The following DPP6 variants were observed in gnomAD, a reference collection of about 807,000 sequenced individuals.
DPP6 encodes the protein A-type potassium channel modulatory protein DPP6.
A neutral mutation model predicts 122.6 loss-of-function variants in DPP6; 69 were observed. That is an observed-to-expected ratio of 0.56 (90% CI 0.46 to 0.69). The LOEUF (loss-of-function observed/expected upper bound fraction) is 0.69, where lower values mean the gene tolerates loss of function less well. DPP6 is among the 30% of genes least tolerant of loss of function. The pLI, the probability that DPP6 is intolerant of heterozygous loss-of-function variation, is 0.00. For synonymous variants in DPP6, 418 were observed against 433.1 expected, an observed-to-expected ratio of 0.97 and a Z score of 0.43; for missense variants, 928 against 1,116.9, an observed-to-expected ratio of 0.83 and a Z score of 2.41.
chr7:153,765,418 T>G, the DPP6 span, among the ~76,000 whole-genome samples: 1 of 152,176 alleles, frequency 6.6e-6, no homozygotes, highest in East Asian at 1.9e-4. Flanking sequence ...GGCGGGCACC[T>G]GTAATCCCTG....
intron 7 of DPP6, among the ~76,000 whole-genome samples, chr7:154,692,404 A>C (rs1368781031): frequency 6.6e-6 from 1 of 152,242 alleles, no homozygotes; most frequent in Non-Finnish European, 1.5e-5. Context: ...CATCAAGTAC[A>C]GAGTAGGCCT....
chr7:154,501,051 T>G (rs1434831478), intron 3 of DPP6, among the ~76,000 whole-genome samples: 1 of 152,208 alleles, frequency 6.6e-6, no homozygotes, highest in Non-Finnish European at 1.5e-5. Flanking sequence ...GTTTTAGCAA[T>G]GAGACTGGTG....
intron 1 of DPP6, among the ~76,000 whole-genome samples, chr7:154,293,678 GA>G (rs34500554): frequency 0.069 from 10,546 of 152,212 alleles, 497 homozygotes; most frequent in East Asian, 0.2. Context: ...AGTTATTCAT[GA>G]ACTGTGACCC....
intron 8 of DPP6, among the ~76,000 whole-genome samples, chr7:154,761,521 A>G (rs1013774834): frequency 6.6e-6 from 1 of 152,118 alleles, no homozygotes; most frequent in Admixed American, 6.5e-5. Context: ...TAGAAAGAAA[A>G]GAGGTTTAAT....
Position 154,618,943 on chromosome 7 carries a change from A to G in DPP6, c.628-18878A>G. ...TTGTAGGAGGGACCTGGTAGGAGGT[A>G]ACTGAATCATGGGGGCAGGTTTTTC... is the stretch of plus-strand genomic sequence containing the variant. On this transcript the variant is annotated intron_variant, in intron 5 of 25. Coordinates refer to ENST00000377770, the MANE Select transcript of DPP6 (RefSeq NM_130797.4). This position sits in a 1 kb window ranked among gnomAD's most constrained non-coding sequence, Gnocchi z 4.1. Among the ~76,000 whole-genome samples the G allele has an allele frequency of 6.6e-6, 1 of 152,160 alleles. No individual in the cohort carries two copies. The highest frequency in any genetic ancestry group is 6.5e-5 in the Admixed American group (1 of 15,278).
rs116548511 is a variant in DPP6, at chr7:154,797,253, C to T, written c.1299+1370C>T. 8.0e-3 allele frequency among the ~76,000 whole-genome samples: 1,223 copies of T among 152,298 alleles called. 17 individuals are homozygous for T. Among genetic ancestry groups the T allele is most frequent in the African/African-American group, 0.028 (1,157 of 41,556 alleles). On this transcript the variant is annotated intron_variant, in intron 12 of 25. Transcript: ENST00000377770. The stretch of plus-strand genomic sequence containing the variant: ...TCAAAAAATGAGTCGGCTACTATCA[C>T]TGAGCACACATTGTGGTGTGTGTCA...
chr7:153,879,951 T>A, the DPP6 span, among the ~76,000 whole-genome samples: 1 of 152,194 alleles, frequency 6.6e-6, no homozygotes, highest in Non-Finnish European at 1.5e-5. Flanking sequence ...ATAATTAAAT[T>A]TTAAAAAGCT....
At chr7:154,733,594 G>C (rs920100943) in intron 8 of DPP6, among the ~76,000 whole-genome samples, 3 of 152,328 alleles carry the variant, frequency 2.0e-5, no homozygotes, top group Non-Finnish European at 4.4e-5. Flanking sequence ...ATGAATTTTG[G>C]GGGTGGGGCA....
At chr7:154,093,538 CACAA>C (rs1444642362) in intron 1 of DPP6, among the ~76,000 whole-genome samples, 3 of 140,718 alleles carry the variant, frequency 2.1e-5, no homozygotes, top group South Asian at 2.4e-4. Context: ...TACCCACACA[CACAA>C]ACACTGTATA....
At position 154,485,466 on chromosome 7, in the gene DPP6, G is replaced by A. The variant is rs532900634; in HGVS notation, c.457+10429G>A. The stretch of plus-strand genomic sequence containing the variant: ...CCCAATCATGTCTCTGACTATTTTC[G>A]TGCAGTAAAATCTGTCCATGCCATC... On this transcript the variant is annotated intron_variant, in intron 3 of 25. Coordinates refer to ENST00000377770, the MANE Select transcript of DPP6 (RefSeq NM_130797.4). Among the ~76,000 whole-genome samples the A allele has an allele frequency of 3.2e-4, 49 of 152,114 alleles. 1 individual carries two copies. Among genetic ancestry groups the A allele is most frequent in the Non-Finnish European group, 5.0e-4 (34 of 68,006 alleles).
At chr7:154,088,867 T>G (rs1484099981) in intron 1 of DPP6, among the ~76,000 whole-genome samples, 2 of 152,196 alleles carry the variant, frequency 1.3e-5, no homozygotes, top group Non-Finnish European at 2.9e-5. Context: ...TAATTAAAAT[T>G]AATGAAAATT....
chr7:154,442,219 C>T (rs151016357), intron 1 of DPP6, among the ~76,000 whole-genome samples: 9 of 152,308 alleles, frequency 5.9e-5, no homozygotes. Flanking sequence ...AGACGTTGAA[C>T]ACAGTAAGGT....
chr7:154,046,086 A>G (rs1202385114), intron 1 of DPP6, among the ~76,000 whole-genome samples: 1 of 152,208 alleles, frequency 6.6e-6, no homozygotes, highest in Non-Finnish European at 1.5e-5. Flanking sequence ...CAGCTGGTCT[A>G]CACTGGGCTC....
intron 10 of DPP6, among the ~76,000 whole-genome samples, chr7:154,790,015 T>A (rs941584632): frequency 1.3e-5 from 2 of 152,156 alleles, no homozygotes; most frequent in African/African-American, 4.8e-5. Flanking sequence ...CTGGGTAACA[T>A]GGTGAAACCC....
chr7:153,911,512 G>T (rs1353440009), intron 1 of DPP6, among the ~76,000 whole-genome samples: 1 of 152,160 alleles, frequency 6.6e-6, no homozygotes, highest in Non-Finnish European at 1.5e-5. Context: ...GAATTAATGT[G>T]GGGGAGGAGT....
At chr7:154,677,891 G>A (rs1000892092) in intron 7 of DPP6, among the ~76,000 whole-genome samples, 13 of 152,192 alleles carry the variant, frequency 8.5e-5, no homozygotes, top group African/African-American at 2.9e-4. Context: ...AGGTGAAGCC[G>A]GCTGGGCTTC....
chr7:153,827,398 A>G, the DPP6 span, among the ~76,000 whole-genome samples: 4 of 152,188 alleles, frequency 2.6e-5, no homozygotes, highest in Non-Finnish European at 4.4e-5. Context: ...AGCTAAAGCC[A>G]CTGGGCATTA....
chr7:154,030,788 G>T (rs1799185368), intron 1 of DPP6, among the ~76,000 whole-genome samples: 1 of 152,048 alleles, frequency 6.6e-6, no homozygotes, highest in Admixed American at 6.6e-5. Flanking sequence ...AGTCCCTGGT[G>T]ACCACTCACA....
intron 1 of DPP6, among the ~76,000 whole-genome samples, chr7:154,171,770 G>A (rs932458691): frequency 5.9e-5 from 9 of 151,804 alleles, no homozygotes; most frequent in African/African-American, 2.2e-4. Flanking sequence ...AGAGTCCAAG[G>A]GTCCTCACAA....
Sources: allele counts gnomAD v4.1 joint callset (sites outside exome capture counted in the v4.1 genomes callset), GRCh38; gene constraint gnomAD v4.1.1; non-coding constraint Gnocchi (gnomAD v3.1); transcripts MANE v1.5; gene names NCBI Gene and HGNC (gene_info 2026-07-23, HGNC 2026-07-21).